PLEKHA5: variants seen among roughly 807,000 people sequenced by gnomAD.
The protein encoded by PLEKHA5 is pleckstrin homology domain containing A5, also known as pleckstrin homology domain-containing family A member 5.
PLEKHA5 carries 55 observed loss-of-function variants against 181.9 expected under a neutral mutation model. That is an observed-to-expected ratio of 0.30 (90% CI 0.24 to 0.38). The LOEUF is 0.38. Ranked by LOEUF, PLEKHA5 falls within the 10% of genes least tolerant of loss-of-function variation. The pLI is 1.00. For missense variants in PLEKHA5, 1,432 were observed against 1,549.5 expected (o/e 0.92, Z 1.27); for synonymous variants, 535 against 529.4 (o/e 1.01, Z -0.15).
intron 3 of PLEKHA5, among the ~76,000 whole-genome samples, chr12:19,146,764 CCA>C (rs1353959147): frequency 6.6e-6 from 1 of 152,152 alleles, no homozygotes; most frequent in Non-Finnish European, 1.5e-5. Flanking sequence ...TGTTTTGTGA[CCA>C]CAGTGTGCAT....
chr12:19,254,224 G>A (rs934835584), intron 4 of PLEKHA5, among the ~76,000 whole-genome samples: 5 of 152,136 alleles, frequency 3.3e-5, no homozygotes, highest in African/African-American at 1.2e-4. Context: ...TTCAGAAGCT[G>A]TTTTTATAGT....
chr12:19,223,000 C>CTTTTTTTTTTTTTT (rs62719560), intron 3 of PLEKHA5, among the ~76,000 whole-genome samples: 1 of 128,928 alleles, frequency 7.8e-6, no homozygotes, highest in Non-Finnish European at 1.6e-5. Flanking sequence ...GAAATTTTGT[C>CTTTTTTTTTTTTTT]TTTTTTTTTT....
At chr12:19,237,731 G>T (rs1238197222) in intron 3 of PLEKHA5, among the ~76,000 whole-genome samples, 1 of 151,892 alleles carries the variant, frequency 6.6e-6, no homozygotes, top group Non-Finnish European at 1.5e-5. Context: ...GAAATTAAGA[G>T]TTCTGCTATT....
chr12:19,331,429 C>T (rs2092819289), intron 20 of PLEKHA5, among the ~76,000 whole-genome samples: 1 of 152,006 alleles, frequency 6.6e-6, no homozygotes, highest in Non-Finnish European at 1.5e-5. Context: ...GTCTTGAGTT[C>T]CTGAGCTCAG....
Position 19,291,022 on chromosome 12 carries a change from G to A in PLEKHA5, c.1983+226G>A, listed in dbSNP as rs529881872. On this transcript the variant is annotated intron_variant, in intron 14 of 31. Transcript: ENST00000429027. Reference sequence around the variant, plus strand: ...TTCTTCTTAGCCTTCTACCCCACCCGCTCACCCACTGGCTTTTGGTTTTGA... The same window carrying A: ...TTCTTCTTAGCCTTCTACCCCACCCACTCACCCACTGGCTTTTGGTTTTGA... Among the ~76,000 whole-genome samples, 12 of 152,114 alleles carry A rather than the reference G, an allele frequency of 7.9e-5. No individual in the cohort carries two copies. The South Asian group carries it at 1.9e-3, about 24-fold the overall frequency.
intron 3 of PLEKHA5, among the ~76,000 whole-genome samples, chr12:19,198,799 AAT>A (rs1354996179): frequency 6.6e-6 from 1 of 152,174 alleles, no homozygotes; most frequent in Non-Finnish European, 1.5e-5. Context: ...AGCGCTAAGA[AAT>A]ATTTATTTTT....
chr12:19,254,920 C>A, intron 4 of PLEKHA5, 125 bp from the exon 5 acceptor site: 1 of 758,460 alleles, frequency 1.3e-6, no homozygotes, highest in Non-Finnish European at 2.0e-6. Context: ...AGGCCTGACT[C>A]TAGAGTAACT....
At chr12:19,282,865 AT>A (rs1421212679) in intron 11 of PLEKHA5, among the ~76,000 whole-genome samples, 2 of 152,116 alleles carry the variant, frequency 1.3e-5, no homozygotes, top group Admixed American at 6.6e-5. Flanking sequence ...AAATCTGTTA[AT>A]AGTTTATACC....
chr12:19,226,973 G>A (rs2059780611), intron 3 of PLEKHA5, among the ~76,000 whole-genome samples: 1 of 151,880 alleles, frequency 6.6e-6, no homozygotes, highest in Non-Finnish European at 1.5e-5. Flanking sequence ...TTGATTGACA[G>A]TAATTTTACT....
chr12:19,321,360 C>CTTTT (rs1158507411), intron 18 of PLEKHA5, among the ~76,000 whole-genome samples: 4 of 24,208 alleles, frequency 1.7e-4, no homozygotes, highest in Admixed American at 6.3e-4. Flanking sequence ...CTTTTCTTTT[C>CTTTT]TTTTTTTTTT....
At chr12:19,348,605 G>C in intron 25 of PLEKHA5, 86 bp downstream of exon 25, 1 of 1,042,086 alleles carries the variant, frequency 9.6e-7, no homozygotes, top group East Asian at 2.7e-5. Context: ...CCATTTACAT[G>C]TTGACTCATA....
rs574833652 is a variant in PLEKHA5 at position 19,190,031 on chromosome 12, G to A, written c.227+57581G>A. Among the ~76,000 whole-genome samples, 16 of 152,122 alleles carry A rather than the reference G, an allele frequency of 1.1e-4. 1 individual carries two copies. The South Asian group carries it at 2.1e-3, about 20-fold the overall frequency. On this transcript the variant is annotated intron_variant, in intron 3 of 31. Coordinates refer to ENST00000429027, the MANE Select transcript of PLEKHA5 (RefSeq NM_001256470.2). ...TTGTTAAAATCTGCTTACAACGTGC[G>A]CTTCTTCATTTCCTCCTTGTGTCGT...
intron 3 of PLEKHA5, among the ~76,000 whole-genome samples, chr12:19,189,968 T>A (rs2050716121): frequency 6.6e-6 from 1 of 152,230 alleles, no homozygotes; most frequent in Non-Finnish European, 1.5e-5. Flanking sequence ...CTTGCTTTTC[T>A]GTGCTTTTCC....
At chr12:19,294,646 T>G (rs1487561016) in intron 15 of PLEKHA5, among the ~76,000 whole-genome samples, 1 of 152,184 alleles carries the variant, frequency 6.6e-6, no homozygotes, top group Admixed American at 6.5e-5. Flanking sequence ...AAACTGTAAT[T>G]TCTTTAAATT....
chr12:19,354,443 G>A (rs570158437), intron 26 of PLEKHA5, among the ~76,000 whole-genome samples: 21 of 140,948 alleles, frequency 1.5e-4, no homozygotes, highest in African/African-American at 4.5e-4. Flanking sequence ...GTGAGCCACC[G>A]CCCCCCAGCC....
intron 3 of PLEKHA5, among the ~76,000 whole-genome samples, chr12:19,253,064 C>CTTT (rs35536570): frequency 0.032 from 1,478 of 45,866 alleles, 415 homozygotes; most frequent in Non-Finnish European, 0.059. Context: ...ATCAACTTAC[C>CTTT]TTTTTTTTTT....
chr12:19,313,790 A>C (rs2087481398), intron 15 of PLEKHA5, among the ~76,000 whole-genome samples: 1 of 152,148 alleles, frequency 6.6e-6, no homozygotes, highest in African/African-American at 2.4e-5. Context: ...AACTAAACAA[A>C]TTTTATTGGC....
At chr12:19,334,829 A>AAAAAAAAAAAAT in intron 20 of PLEKHA5, among the ~76,000 whole-genome samples, 11 of 18,608 alleles carry the variant, frequency 5.9e-4, no homozygotes, top group African/African-American at 7.3e-4. Flanking sequence ...AAAAAAAAAA[A>AAAAAAAAAAAAT]ATATATATAT....
At chr12:19,163,437 A>G (rs982259465) in intron 3 of PLEKHA5, among the ~76,000 whole-genome samples, 2 of 152,094 alleles carry the variant, frequency 1.3e-5, no homozygotes, top group Non-Finnish European at 2.9e-5. Context: ...TCGGCCTACC[A>G]AAGTGCTGGG....
Sources: allele counts gnomAD v4.1 joint callset (sites outside exome capture counted in the v4.1 genomes callset), GRCh38; gene constraint gnomAD v4.1.1; transcripts MANE v1.5; gene names NCBI Gene and HGNC (gene_info 2026-07-23, HGNC 2026-07-21).